The following ROBO2 variants were observed in gnomAD, a reference collection of about 807,000 sequenced individuals.
ROBO2 encodes roundabout guidance receptor 2.
A neutral mutation model predicts 160.8 loss-of-function variants in ROBO2; 53 were observed. The ratio of observed to expected loss-of-function variants is 0.33; its 90% CI spans 0.26 to 0.41. The LOEUF is 0.41. ROBO2 is among the 10% of genes least tolerant of loss of function. The probability of loss-of-function intolerance (pLI) is 1.00; values close to 1 mark genes in which losing one functional copy is unlikely to be tolerated. For missense variants in ROBO2, 1,577 were observed against 1,722.4 expected (o/e 0.92, Z 1.49); for synonymous variants, 664 against 611.7 (o/e 1.09, Z -1.26).
chr3:76,334,708 C>T (rs986622650), intron 2 of ROBO2, among the ~76,000 whole-genome samples: 2 of 152,128 alleles, frequency 1.3e-5, no homozygotes, highest in African/African-American at 4.8e-5. Context: ...GTCGGTGTTT[C>T]TCCTAACTAT....
intron 2 of ROBO2, among the ~76,000 whole-genome samples, chr3:76,115,256 G>A (rs2070414821): frequency 6.6e-6 from 1 of 151,544 alleles, no homozygotes; most frequent in Admixed American, 6.6e-5. Flanking sequence ...CCCCTTTTTT[G>A]CATCACCATA....
At chr3:77,404,970 A>G (rs746423349) in intron 2 of ROBO2, among the ~76,000 whole-genome samples, 3 of 152,112 alleles carry the variant, frequency 2.0e-5, no homozygotes, top group Non-Finnish European at 4.4e-5. Flanking sequence ...TGTTTCTCCC[A>G]TGTCTTGTGT....
intron 2 of ROBO2, among the ~76,000 whole-genome samples, chr3:76,249,099 C>T (rs1705819582): frequency 1.3e-5 from 2 of 152,002 alleles, no homozygotes. Flanking sequence ...TTGATAAGGT[C>T]TTCGTTATTT....
intron 23 of ROBO2, among the ~76,000 whole-genome samples, chr3:77,626,900 A>G (rs1472339691): frequency 6.6e-6 from 1 of 152,174 alleles, no homozygotes; most frequent in Non-Finnish European, 1.5e-5. Flanking sequence ...CCCACAACAG[A>G]TCAGTATGGA....
intron 2 of ROBO2, among the ~76,000 whole-genome samples, chr3:76,325,833 G>A (rs999281648): frequency 1.3e-5 from 2 of 152,050 alleles, no homozygotes; most frequent in African/African-American, 2.4e-5. Context: ...CCTGTTCCTT[G>A]TACAAAAAGG....
At chr3:75,983,064 T>C (rs2065321144) in intron 2 of ROBO2, among the ~76,000 whole-genome samples, 1 of 151,508 alleles carries the variant, frequency 6.6e-6, no homozygotes, top group African/African-American at 2.4e-5. Flanking sequence ...TTGTCATCAG[T>C]AATCAGGAAA....
At chr3:76,339,206 T>C (rs376651751) in intron 2 of ROBO2, among the ~76,000 whole-genome samples, 2 of 152,266 alleles carry the variant, frequency 1.3e-5, no homozygotes, top group East Asian at 3.9e-4. Flanking sequence ...TTTCAAAATA[T>C]TGTATTTGAT....
At chr3:77,305,323 A>C in intron 2 of ROBO2, among the ~76,000 whole-genome samples, 1 of 152,226 alleles carries the variant, frequency 6.6e-6, no homozygotes, top group East Asian at 1.9e-4. Flanking sequence ...CCCTTTTGGT[A>C]GCATTCTTCA....
intron 2 of ROBO2, among the ~76,000 whole-genome samples, chr3:76,943,882 T>C (rs1483192047): frequency 1.3e-5 from 2 of 152,234 alleles, no homozygotes; most frequent in Non-Finnish European, 2.9e-5. Flanking sequence ...GTATAACCTC[T>C]AATTTACAAA....
chr3:77,334,339 C>A (rs2153445910), intron 2 of ROBO2, among the ~76,000 whole-genome samples: 1 of 152,308 alleles, frequency 6.6e-6, no homozygotes, highest in South Asian at 2.1e-4. Context: ...TCAGTGACAT[C>A]TTCGGTGTAC....
chr3:77,483,613 G>A lies in ROBO2; in HGVS notation c.667+2394G>A, dbSNP rs143320201. 4.7e-3 allele frequency among the ~76,000 whole-genome samples: 710 copies of A among 151,388 alleles called. 2 individuals are homozygous for A. Among genetic ancestry groups the A allele is most frequent in the Non-Finnish European group, 8.1e-3 (551 of 67,780 alleles). ...CTACTATAACCACTCTGTAGCTACA[G>A]AAGGTTTTTAAAGGTCCTTTGCAGT... On this transcript the variant is annotated intron_variant, in intron 4 of 25. Transcript: ENST00000461745.
chr3:76,349,136 T>C (rs1284435560), intron 2 of ROBO2, among the ~76,000 whole-genome samples: 1 of 152,110 alleles, frequency 6.6e-6, no homozygotes, highest in East Asian at 1.9e-4. Context: ...TTCCTTTTGA[T>C]CAATTGAGCC....
At chr3:76,559,660 C>G (rs1317634864) in intron 2 of ROBO2, among the ~76,000 whole-genome samples, 1 of 152,022 alleles carries the variant, frequency 6.6e-6, no homozygotes, top group Non-Finnish European at 1.5e-5. Flanking sequence ...AGTAATTCCT[C>G]CTATTCGAGG....
intron 2 of ROBO2, among the ~76,000 whole-genome samples, chr3:76,700,845 C>T (rs918877787): frequency 6.6e-6 from 1 of 152,160 alleles, no homozygotes; most frequent in African/African-American, 2.4e-5. Context: ...CAATTTTAGA[C>T]TGTGTTATGT....
At chr3:77,429,083 G>A (rs910374548) in intron 2 of ROBO2, among the ~76,000 whole-genome samples, 13 of 152,076 alleles carry the variant, frequency 8.5e-5, no homozygotes, top group African/African-American at 2.9e-4. Context: ...GATAACTTTA[G>A]AAACATGACA....
intron 2 of ROBO2, among the ~76,000 whole-genome samples, chr3:76,192,225 G>A (rs35569998): frequency 6.7e-6 from 1 of 148,338 alleles, no homozygotes; most frequent in African/African-American, 2.5e-5. Flanking sequence ...CCTGACCTTC[G>A]ATTGGCTTAC....
At chr3:76,047,032 T>G (rs544451825) in intron 2 of ROBO2, among the ~76,000 whole-genome samples, 179 of 152,322 alleles carry the variant, frequency 1.2e-3, no homozygotes, top group African/African-American at 2.8e-3. Context: ...GCAAGCAACT[T>G]AAATGCATTT....
At chr3:76,368,334 A>G (rs971327145) in intron 2 of ROBO2, among the ~76,000 whole-genome samples, 1 of 152,016 alleles carries the variant, frequency 6.6e-6, no homozygotes, top group Non-Finnish European at 1.5e-5. Flanking sequence ...TAGCAGCTTA[A>G]AACAAAAACT....
chr3:76,537,760 G>A (rs1358677315), intron 2 of ROBO2, among the ~76,000 whole-genome samples: 1 of 152,090 alleles, frequency 6.6e-6, no homozygotes, highest in Non-Finnish European at 1.5e-5. Context: ...GTGCAAGTGG[G>A]CTGAGTCCGA....
Sources: gnomAD v4.1 joint callset for allele counts (sites outside exome capture counted in the v4.1 genomes callset) on GRCh38, gnomAD v4.1.1 for gene constraint, MANE v1.5 for transcripts, NCBI Gene and HGNC (gene_info 2026-07-23, HGNC 2026-07-21) for gene names.